Variants in BTRC observed in about 807,000 individuals in gnomAD.
BTRC encodes the protein beta-transducin repeat containing E3 ubiquitin protein ligase.
A neutral mutation model predicts 85.5 loss-of-function variants in BTRC; 42 were observed. That is an observed-to-expected ratio of 0.49 (90% CI 0.38 to 0.64). The LOEUF (loss-of-function observed/expected upper bound fraction) is 0.64. Ranked by LOEUF, BTRC falls within the 30% of genes least tolerant of loss-of-function variation. The pLI is 0.00. For missense variants in BTRC, 594 were observed against 743.5 expected (o/e 0.80, Z 2.34); for synonymous variants, 255 against 263.3 (o/e 0.97, Z 0.30).
At chr10:101,532,575 C>T (rs371837513) in intron 8 of BTRC, 143 bp downstream of exon 8, 1 of 1,142,276 alleles carries the variant, frequency 8.8e-7, no homozygotes, top group African/African-American at 1.6e-5. Flanking sequence ...AAGCCAAAAT[C>T]ATTTCCTTAA....
At chr10:101,496,758 A>G (rs1180348482) in intron 4 of BTRC, among the ~76,000 whole-genome samples, 1 of 152,034 alleles carries the variant, frequency 6.6e-6, no homozygotes, top group Non-Finnish European at 1.5e-5. Flanking sequence ...TTCTTGTTCA[A>G]CGCATTTGCC....
chr10:101,413,449 G>T (rs1455635961), intron 1 of BTRC, among the ~76,000 whole-genome samples: 1 of 152,234 alleles, frequency 6.6e-6, no homozygotes. Flanking sequence ...GAGTAGCTGG[G>T]ACTACAGGCA....
intron 1 of BTRC, among the ~76,000 whole-genome samples, chr10:101,365,637 A>G (rs920332384): frequency 2.7e-5 from 4 of 150,870 alleles, no homozygotes; most frequent in Non-Finnish European, 5.9e-5. Context: ...CACCACACTC[A>G]GCTAATTTTT....
chr10:101,518,587 A>G (rs553115903), intron 4 of BTRC, among the ~76,000 whole-genome samples: 5 of 152,264 alleles, frequency 3.3e-5, no homozygotes, highest in African/African-American at 7.2e-5. Flanking sequence ...GCTGGGGCCA[A>G]TCTGTGGAGA....
chr10:101,387,098 T>A (rs1943098669), intron 1 of BTRC, among the ~76,000 whole-genome samples: 1 of 152,098 alleles, frequency 6.6e-6, no homozygotes, highest in African/African-American at 2.4e-5. Flanking sequence ...CATTGATCAG[T>A]TTTTGGACTC....
chr10:101,541,039 T>A (rs145359940), intron 13 of BTRC, among the ~76,000 whole-genome samples: 22 of 152,296 alleles, frequency 1.4e-4, no homozygotes, highest in African/African-American at 4.8e-4. Context: ...TGCAAATACA[T>A]AGAAATATAC....
chr10:101,502,405 C>A (rs959232569), intron 4 of BTRC, among the ~76,000 whole-genome samples: 6 of 151,828 alleles, frequency 4.0e-5, no homozygotes, highest in African/African-American at 1.5e-4. Context: ...AAAAAAAAAT[C>A]AATGGCAAAT....
At chr10:101,525,561 A>G (rs2062178193) in intron 5 of BTRC, among the ~76,000 whole-genome samples, 1 of 152,134 alleles carries the variant, frequency 6.6e-6, no homozygotes, top group African/African-American at 2.4e-5. Flanking sequence ...CATTTAAAGG[A>G]CATTTCTTTT....
chr10:101,493,248 A>C (rs1946178689), intron 4 of BTRC, among the ~76,000 whole-genome samples: 1 of 152,252 alleles, frequency 6.6e-6, no homozygotes, highest in Non-Finnish European at 1.5e-5. Flanking sequence ...AAAATTTTTA[A>C]AAAGTACTAA....
chr10:101,360,913 C>CCT (rs1942187602), intron 1 of BTRC, among the ~76,000 whole-genome samples: 1 of 152,140 alleles, frequency 6.6e-6, no homozygotes, highest in Admixed American at 6.5e-5. Context: ...TGAAGCAATG[C>CCT]CTCTGCCTCA....
rs34480405 is a variant in BTRC, at chr10:101,389,610, C to CTTTT, written c.48+35406_48+35409dup. 1.7e-3 allele frequency among the ~76,000 whole-genome samples: 105 copies of CTTTT among 62,546 alleles called. 17 individuals are homozygous for CTTTT. Among genetic ancestry groups the CTTTT allele is most frequent in the East Asian group, 0.012 (21 of 1,684 alleles). 41.0% of individuals were successfully genotyped at this position (62,546 alleles called of 152,430 possible). A position where few individuals can be genotyped will look rare whatever the true frequency, so the allele number is the denominator to read the frequency against. ...GTTACACTGGCCTTTTGCCAAACAC[C>CTTTT]TTTTTTTTTTTTTTTTTTTTTTTTT... is the stretch of plus-strand genomic sequence containing the variant. On this transcript the variant is annotated intron_variant, in intron 1 of 14. Coordinates refer to ENST00000370187, the MANE Select transcript of BTRC (RefSeq NM_033637.4).
At chr10:101,445,783 G>A (rs1224152756) in intron 2 of BTRC, among the ~76,000 whole-genome samples, 1 of 152,116 alleles carries the variant, frequency 6.6e-6, no homozygotes, top group Non-Finnish European at 1.5e-5. Context: ...CAGAGGCCTT[G>A]GACTCTCTTA....
At chr10:101,505,145 A>ATATATG (rs1554889426) in intron 4 of BTRC, among the ~76,000 whole-genome samples, 1 of 99,322 alleles carries the variant, frequency 1.0e-5, no homozygotes, top group African/African-American at 3.4e-5. Flanking sequence ...ATATGTATAT[A>ATATATG]TATATGTATA....
intron 4 of BTRC, among the ~76,000 whole-genome samples, chr10:101,489,761 T>G (rs1314354494): frequency 6.6e-6 from 1 of 152,216 alleles, no homozygotes; most frequent in Non-Finnish European, 1.5e-5. Flanking sequence ...TGACTAGTGT[T>G]TCTGCCGGTA....
chr10:101,467,728 A>T (rs980765621), intron 3 of BTRC, among the ~76,000 whole-genome samples: 1 of 151,748 alleles, frequency 6.6e-6, no homozygotes, highest in African/African-American at 2.4e-5. Context: ...GTTTATTAAT[A>T]AAAAAAATCA....
intron 13 of BTRC, among the ~76,000 whole-genome samples, chr10:101,549,531 G>A (rs182704960): frequency 1.8e-3 from 271 of 151,070 alleles, no homozygotes; most frequent in Non-Finnish European, 3.5e-3. Flanking sequence ...TGGCTAACAC[G>A]ATGAAACCCC....
At chr10:101,363,450 TTTTTGTTTTTGTTTTTTC>T (rs1256765387) in intron 1 of BTRC, among the ~76,000 whole-genome samples, 1 of 150,342 alleles carries the variant, frequency 6.7e-6, no homozygotes, top group Non-Finnish European at 1.5e-5. Context: ...TTCGTTTTTG[TTTTTGTTTTTGTTTTTTC>T]TTTTTTTTGA....
intron 9 of BTRC, among the ~76,000 whole-genome samples, chr10:101,533,321 C>G (rs981604273): frequency 1.3e-5 from 2 of 152,186 alleles, no homozygotes; most frequent in African/African-American, 4.8e-5. Flanking sequence ...ATTACAGAAA[C>G]TTTTCTTATC....
intron 1 of BTRC, among the ~76,000 whole-genome samples, chr10:101,365,886 C>A (rs1331392042): frequency 2.0e-5 from 3 of 152,088 alleles, no homozygotes; most frequent in Non-Finnish European, 4.4e-5. Context: ...ACAAAATGAT[C>A]ATGGACTACA....
Sources: allele counts gnomAD v4.1 joint callset (sites outside exome capture counted in the v4.1 genomes callset), GRCh38; gene constraint gnomAD v4.1.1; transcripts MANE v1.5; gene names NCBI Gene and HGNC (gene_info 2026-07-23, HGNC 2026-07-21).